Variants in PAM observed in about 807,000 individuals in gnomAD.
PAM encodes the protein peptidylglycine alpha-amidating monooxygenase.
Under a neutral mutation model 122.1 loss-of-function variants are expected in PAM, and 72 were observed. The ratio of observed to expected loss-of-function variants is 0.59; its 90% CI spans 0.49 to 0.72. The LOEUF is 0.72. Ranked by LOEUF, PAM falls within the 30% of genes least tolerant of loss-of-function variation. The pLI, the probability that PAM is intolerant of heterozygous loss-of-function variation, is 0.00. For missense variants in PAM, 1,106 were observed against 1,183.7 expected, an observed-to-expected ratio of 0.93 and a Z score of 0.96; for synonymous variants, 389 against 404.4, an observed-to-expected ratio of 0.96 and a Z score of 0.46.
chr5:103,016,035 T>C (rs547429857), intron 21 of PAM, among the ~76,000 whole-genome samples: 206 of 152,304 alleles, frequency 1.4e-3, no homozygotes, highest in South Asian at 2.5e-3. Context: ...TGGTAGTCTT[T>C]TGCCATCCAT....
At chr5:102,830,532 C>T (rs149735921) in intron 1 of PAM, among the ~76,000 whole-genome samples, 1 of 152,204 alleles carries the variant, frequency 6.6e-6, no homozygotes, top group Admixed American at 6.5e-5. Flanking sequence ...TCTTACTACA[C>T]CCTCAGCTCA....
At chr5:102,993,923 G>A (rs1774913137) in intron 16 of PAM, among the ~76,000 whole-genome samples, 1 of 152,130 alleles carries the variant, frequency 6.6e-6, no homozygotes, top group African/African-American at 2.4e-5. Context: ...TTTGGGCAGA[G>A]GAATAAAATT....
At chr5:102,966,388 T>G (rs1764089393) in intron 14 of PAM, among the ~76,000 whole-genome samples, 1 of 152,120 alleles carries the variant, frequency 6.6e-6, no homozygotes, top group Non-Finnish European at 1.5e-5. Flanking sequence ...ATCTTCTATC[T>G]TCTCCTTTTT....
intron 14 of PAM, among the ~76,000 whole-genome samples, chr5:102,965,884 A>G (rs150015086): frequency 2.6e-5 from 4 of 152,208 alleles, no homozygotes; most frequent in African/African-American, 9.6e-5. Flanking sequence ...AATCAAGGGA[A>G]CAAGGTTGCC....
intron 7 of PAM, among the ~76,000 whole-genome samples, chr5:102,927,591 C>T (rs1273572915): frequency 2.0e-5 from 3 of 152,062 alleles, no homozygotes; most frequent in Non-Finnish European, 2.9e-5. Flanking sequence ...CCCTTTAGGA[C>T]CTTTGCTAAG....
intron 20 of PAM, 95 bp downstream of exon 20, chr5:103,007,752 T>G (rs758191226): frequency 1.3e-6 from 1 of 757,724 alleles, no homozygotes; most frequent in Non-Finnish European, 2.1e-6. Flanking sequence ...TAAATTTTCT[T>G]TGCTATATAT....
rs180911947 is a variant in PAM, at chr5:102,787,126, G to A, written c.-374+31778G>A. Among the ~76,000 whole-genome samples the A allele has an allele frequency of 2.8e-4, 42 of 152,206 alleles. 1 individual carries two copies. The highest frequency in any genetic ancestry group is 2.5e-3 in the East Asian group (13 of 5,168). On this transcript the variant is annotated intron_variant, in intron 1 of 25. Transcript: ENST00000438793. ...ATTATGCTGGTGGAAAGGCCAAGGA[G>A]AAATGCTTCATCCTTAGCATTTTAT... is the stretch of plus-strand genomic sequence containing the variant.
chr5:102,997,958 C>T (rs909937689), intron 16 of PAM, among the ~76,000 whole-genome samples: 2 of 152,190 alleles, frequency 1.3e-5, no homozygotes, highest in Admixed American at 1.3e-4. Context: ...AGCTTGTTTT[C>T]TTGGAAGCCA....
intron 1 of PAM, among the ~76,000 whole-genome samples, chr5:102,808,481 C>T (rs1766881727): frequency 1.3e-5 from 2 of 152,140 alleles, no homozygotes; most frequent in South Asian, 4.1e-4. Flanking sequence ...CTGCTACTCT[C>T]CCTGGTAAAC....
At position 102,990,288 on chromosome 5, in the gene PAM, G is replaced by A; in HGVS notation, c.1500G>A (p.Glu500=). The change falls in exon 16 of 26, where the codon GAG becomes GAA. Residue 500 remains glutamate, a synonymous_variant. Transcript: ENST00000438793. ...ATCTTTTAGATTTCCACATGGAAGAGGCACTGGATTGGCCTGGAGTATACT... is the reference window on the plus strand; with the variant it reads ...ATCTTTTAGATTTCCACATGGAAGAAGCACTGGATTGGCCTGGAGTATACT... The part of the protein sequence containing the change: ...PEHTGDFHME[E]ALDWPGVYLL... 18 of 1,555,422 alleles carry A rather than the reference G, an allele frequency of 1.2e-5. No homozygotes were observed. The highest frequency in any genetic ancestry group is 1.6e-5 in the Non-Finnish European group (18 of 1,143,724).
At chr5:103,028,820 G>T in intron 25 of PAM, 67 bp from the exon 26 acceptor site, 2 of 996,910 alleles carry the variant, frequency 2.0e-6, no homozygotes, top group East Asian at 2.5e-5. Flanking sequence ...TATCATTTAA[G>T]AATTTACAAG....
At chr5:102,915,204 C>T (rs1373675218) in intron 5 of PAM, among the ~76,000 whole-genome samples, 1 of 152,106 alleles carries the variant, frequency 6.6e-6, no homozygotes, top group Admixed American at 6.6e-5. Flanking sequence ...AGGTCCTGTC[C>T]TTACATAATC....
intron 3 of PAM, among the ~76,000 whole-genome samples, chr5:102,869,170 G>A (rs116289460): frequency 2.0e-3 from 298 of 152,330 alleles, no homozygotes; most frequent in African/African-American, 6.7e-3. Context: ...CATGGACCGT[G>A]ATTGATAATT....
chr5:102,796,771 G>A (rs1763486002), intron 1 of PAM, among the ~76,000 whole-genome samples: 1 of 152,106 alleles, frequency 6.6e-6, no homozygotes, highest in African/African-American at 2.4e-5. Flanking sequence ...GTGTAACTAT[G>A]AGCAAGCTGC....
At chr5:103,007,303 C>G in intron 19 of PAM, 154 bp from the exon 20 acceptor site, 1 of 674,182 alleles carries the variant, frequency 1.5e-6, no homozygotes. Flanking sequence ...GGATAAAAGA[C>G]ATTATAAAAT....
At chr5:102,806,583 A>G (rs1418235643) in intron 1 of PAM, among the ~76,000 whole-genome samples, 1 of 152,222 alleles carries the variant, frequency 6.6e-6, no homozygotes, top group African/African-American at 2.4e-5. Context: ...ATATATACAT[A>G]TATATACACA....
chr5:102,759,282 T>C (rs1751619880), intron 1 of PAM, among the ~76,000 whole-genome samples: 1 of 152,070 alleles, frequency 6.6e-6, no homozygotes, highest in Non-Finnish European at 1.5e-5. Flanking sequence ...CCTAGCAGCA[T>C]GAATACATGA....
At chr5:102,794,969 C>G (rs1762980457) in intron 1 of PAM, among the ~76,000 whole-genome samples, 2 of 151,792 alleles carry the variant, frequency 1.3e-5, no homozygotes, top group Admixed American at 6.6e-5. Context: ...GCTCGCAGAT[C>G]ACTTGTGCCC....
chr5:102,814,553 A>G (rs976863264), intron 1 of PAM, among the ~76,000 whole-genome samples: 1 of 147,356 alleles, frequency 6.8e-6, no homozygotes, highest in Non-Finnish European at 1.5e-5. Flanking sequence ...TGATATATAC[A>G]TATATATAGA....
Sources: allele counts gnomAD v4.1 joint callset (sites outside exome capture counted in the v4.1 genomes callset), GRCh38; gene constraint gnomAD v4.1.1; transcripts MANE v1.5; gene names NCBI Gene and HGNC (gene_info 2026-07-23, HGNC 2026-07-21).